The following SLC24A3 variants were observed in gnomAD, a reference collection of about 807,000 sequenced individuals.
SLC24A3 encodes sodium/potassium/calcium exchanger 3.
A neutral mutation model predicts 75.8 loss-of-function variants in SLC24A3; 28 were observed. The observed-to-expected ratio is 0.37, with a 90% CI of 0.27 to 0.51. The LOEUF is 0.51. Ranked by LOEUF, SLC24A3 falls within the 20% of genes least tolerant of loss-of-function variation. The pLI is 0.94. For missense variants in SLC24A3, 663 were observed against 847.8 expected, an observed-to-expected ratio of 0.78 and a Z score of 2.71; for synonymous variants, 372 against 334.1, an observed-to-expected ratio of 1.11 and a Z score of -1.24.
chr20:19,322,044 T>C (rs1016792888), intron 2 of SLC24A3, among the ~76,000 whole-genome samples: 26 of 152,270 alleles, frequency 1.7e-4, no homozygotes, highest in African/African-American at 6.3e-4. Context: ...TGCGGTGCCC[T>C]TCCCAGTGCA....
intron 2 of SLC24A3, among the ~76,000 whole-genome samples, chr20:19,296,679 T>G (rs777377290): frequency 6.6e-6 from 1 of 152,168 alleles, no homozygotes; most frequent in Non-Finnish European, 1.5e-5. Context: ...CTGTCAATAT[T>G]AGGCCATTGA....
At chr20:19,436,926 A>C (rs1987214468) in intron 2 of SLC24A3, among the ~76,000 whole-genome samples, 1 of 152,222 alleles carries the variant, frequency 6.6e-6, no homozygotes, top group Non-Finnish European at 1.5e-5. Context: ...AGCAGCCCCC[A>C]TTGATGAGAA....
At chr20:19,310,702 A>G (rs1984437205) in intron 2 of SLC24A3, among the ~76,000 whole-genome samples, 1 of 152,238 alleles carries the variant, frequency 6.6e-6, no homozygotes. Context: ...GGCAGCAAGC[A>G]TATAAACAGA....
chr20:19,643,723 G>C (rs1030456495), intron 6 of SLC24A3, among the ~76,000 whole-genome samples: 4 of 152,146 alleles, frequency 2.6e-5, no homozygotes, highest in Non-Finnish European at 4.4e-5. Flanking sequence ...GAACTCACCT[G>C]GTAGGTATTC....
At chr20:19,479,550 C>T (rs1331011006) in intron 2 of SLC24A3, among the ~76,000 whole-genome samples, 2 of 152,152 alleles carry the variant, frequency 1.3e-5, no homozygotes, top group Non-Finnish European at 2.9e-5. Flanking sequence ...GGGAGGTGAT[C>T]CCAGGAAGTT....
intron 6 of SLC24A3, among the ~76,000 whole-genome samples, chr20:19,641,654 A>G (rs557652871): frequency 6.6e-6 from 1 of 152,282 alleles, no homozygotes; most frequent in Admixed American, 6.5e-5. Flanking sequence ...AGGAGGGAGC[A>G]GTGGTCTCAG....
rs58371474 is a variant in SLC24A3 at position 19,665,792 on chromosome 20, C to CGTGTGTGTGTGT, written c.688-43_688-32dup. 59 of 1,203,286 alleles carry CGTGTGTGTGTGT rather than the reference C, an allele frequency of 4.9e-5. No individual in the cohort carries two copies. The African/African-American group carries it at 5.1e-4, about 10-fold the overall frequency. The allele number at this position is 1,203,286 out of a possible 1,614,324, so 74.5% of individuals were successfully genotyped here. A position where few individuals can be genotyped will look rare whatever the true frequency, so the allele number is the denominator to read the frequency against. On this transcript the variant is annotated intron_variant, in intron 7 of 16. Transcript: ENST00000328041. The stretch of plus-strand genomic sequence containing the variant: ...GTGGATACTGCGTGCAGCCTTAAAG[C>CGTGTGTGTGTGT]GTGTGTGTGTGTGTGTGTGTGTGTG...
chr20:19,618,245 G>T (rs1451806786), intron 6 of SLC24A3, among the ~76,000 whole-genome samples: 1 of 152,180 alleles, frequency 6.6e-6, no homozygotes, highest in African/African-American at 2.4e-5. Flanking sequence ...TACTTGGGCT[G>T]CCATAGCAAA....
intron 6 of SLC24A3, among the ~76,000 whole-genome samples, chr20:19,628,097 G>A (rs577768346): frequency 8.6e-5 from 13 of 151,064 alleles, no homozygotes; most frequent in East Asian, 3.9e-4. Context: ...CCAGCTACTC[G>A]GGAGACTGAG....
At chr20:19,328,323 G>T (rs1984918041) in intron 2 of SLC24A3, among the ~76,000 whole-genome samples, 1 of 152,166 alleles carries the variant, frequency 6.6e-6, no homozygotes, top group Admixed American at 6.5e-5. Flanking sequence ...GGAGTGGAGA[G>T]CCGCCTCTTG....
rs374779633 is a variant in SLC24A3, at chr20:19,604,392, G to A, written c.612+18848G>A. On this transcript the variant is annotated intron_variant, in intron 6 of 16. Coordinates refer to ENST00000328041, the MANE Select transcript of SLC24A3 (RefSeq NM_020689.4). The stretch of plus-strand genomic sequence containing the variant: ...AAGAGTGAACTCCCACTCCAAAGCC[G>A]TGAGGCAGGAACAGAGTGACTCGGT... Among the ~76,000 whole-genome samples, 57 of 152,298 alleles carry A rather than the reference G, an allele frequency of 3.7e-4. 1 individual carries two copies. The South Asian group carries it at 0.011, about 29-fold the overall frequency.
At chr20:19,275,963 G>A (rs1983473600) in intron 1 of SLC24A3, among the ~76,000 whole-genome samples, 1 of 152,172 alleles carries the variant, frequency 6.6e-6, no homozygotes, top group Non-Finnish European at 1.5e-5. Flanking sequence ...CCAGGGCCTG[G>A]CAGATGAGGA....
At chr20:19,425,197 GGAGGCT>G (rs2122443043) in intron 2 of SLC24A3, among the ~76,000 whole-genome samples, 1 of 152,250 alleles carries the variant, frequency 6.6e-6, no homozygotes, top group South Asian at 2.1e-4. Flanking sequence ...CAGCTACTCA[GGAGGCT>G]GAGGCAGGAG....
chr20:19,653,778 G>A (rs943055824), intron 6 of SLC24A3, among the ~76,000 whole-genome samples: 3 of 152,152 alleles, frequency 2.0e-5, no homozygotes, highest in Admixed American at 6.5e-5. Flanking sequence ...GGTCAGACCC[G>A]CATCACAGTT....
At chr20:19,648,303 T>C (rs2032161748) in intron 6 of SLC24A3, among the ~76,000 whole-genome samples, 2 of 152,206 alleles carry the variant, frequency 1.3e-5, no homozygotes, top group Non-Finnish European at 2.9e-5. Flanking sequence ...CTGTAGAAAT[T>C]GTGTCAGCTC....
At chr20:19,606,824 C>T (rs2031603809) in intron 6 of SLC24A3, among the ~76,000 whole-genome samples, 1 of 152,134 alleles carries the variant, frequency 6.6e-6, no homozygotes, top group Non-Finnish European at 1.5e-5. Flanking sequence ...GTGGCCTGTG[C>T]AAGTCCACAC....
At chr20:19,576,315 A>G (rs1216689290) in intron 3 of SLC24A3, among the ~76,000 whole-genome samples, 2 of 152,240 alleles carry the variant, frequency 1.3e-5, no homozygotes, top group Admixed American at 1.3e-4. Flanking sequence ...TAGTACCATC[A>G]ATGTCACACT....
intron 2 of SLC24A3, among the ~76,000 whole-genome samples, chr20:19,355,693 C>A (rs1173975514): frequency 6.6e-6 from 1 of 152,140 alleles, no homozygotes; most frequent in Non-Finnish European, 1.5e-5. Context: ...AATAAACAAC[C>A]TGGTGGTGAA....
At chr20:19,707,681 GAGA>G (rs1163310637) in intron 15 of SLC24A3, among the ~76,000 whole-genome samples, 2 of 152,352 alleles carry the variant, frequency 1.3e-5, no homozygotes, top group South Asian at 4.1e-4. Context: ...TGGAGAGAAT[GAGA>G]AGGAGAATAA....
Sources: allele counts gnomAD v4.1 joint callset (sites outside exome capture counted in the v4.1 genomes callset), GRCh38; gene constraint gnomAD v4.1.1; transcripts MANE v1.5; gene names NCBI Gene and HGNC (gene_info 2026-07-23, HGNC 2026-07-21).